HMCN1: variants seen among roughly 807,000 people sequenced by gnomAD.
The protein encoded by HMCN1 is hemicentin 1, also known as hemicentin-1.
HMCN1 carries 321 observed loss-of-function variants against 625.9 expected under a neutral mutation model. The observed-to-expected ratio is 0.51, with a 90% CI of 0.47 to 0.56. The LOEUF is 0.56. HMCN1 is among the 20% of genes least tolerant of loss of function. The pLI is 0.00. For missense variants in HMCN1, 6,588 were observed against 6,887.3 expected (o/e 0.96, Z 1.54); for synonymous variants, 2,425 against 2,417.6 (o/e 1.00, Z -0.09).
In HMCN1 at chr1:186,076,309, T is replaced by C. The variant is rs1044491908; in HGVS notation, c.8291-119T>C. The C allele has an allele frequency of 6.7e-6, 7 of 1,046,392 alleles. No homozygotes were observed. The African/African-American group carries it at 1.1e-4, about 17-fold the overall frequency. 64.8% of individuals were successfully genotyped at this position (1,046,392 alleles called of 1,614,324 possible). ...TAGAGTTGGTGGTGGCGTCAGTACT[T>C]GAAATTATTTCCACATTGTCTAATC... is the stretch of plus-strand genomic sequence containing the variant. On this transcript the variant is annotated intron_variant, in intron 53 of 106. Transcript: ENST00000271588.
At chr1:186,108,035 T>TAAAAA (rs559777006) in intron 70 of HMCN1, among the ~76,000 whole-genome samples, 17 of 98,308 alleles carry the variant, frequency 1.7e-4, no homozygotes, top group African/African-American at 5.9e-4. Context: ...GTAAATTCTG[T>TAAAAA]AAAAAAAAAA....
chr1:186,093,339 C>G, intron 65 of HMCN1, 81 bp downstream of exon 65: 3 of 1,597,532 alleles, frequency 1.9e-6, no homozygotes, highest in Non-Finnish European at 2.6e-6. Flanking sequence ...CAGCAGGTGT[C>G]TGGAGCATTT....
intron 1 of HMCN1, among the ~76,000 whole-genome samples, chr1:185,807,483 A>G (rs1193301238): frequency 6.6e-6 from 1 of 152,222 alleles, no homozygotes; most frequent in African/African-American, 2.4e-5. Flanking sequence ...ACATATGGTT[A>G]TATGCAGTAA....
chr1:186,004,627 G>A (rs1653421271), intron 29 of HMCN1, among the ~76,000 whole-genome samples: 1 of 152,068 alleles, frequency 6.6e-6, no homozygotes, highest in Non-Finnish European at 1.5e-5. Context: ...GCAAAGGTTT[G>A]AAATTATCAA....
intron 11 of HMCN1, among the ~76,000 whole-genome samples, chr1:185,939,949 G>T (rs570124833): frequency 1.3e-5 from 2 of 152,150 alleles, no homozygotes; most frequent in South Asian, 2.1e-4. Flanking sequence ...ATAAAGTAAG[G>T]ATCTAGTGAT....
intron 10 of HMCN1, among the ~76,000 whole-genome samples, chr1:185,933,281 T>G (rs1667645525): frequency 6.6e-6 from 1 of 152,174 alleles, no homozygotes; most frequent in Admixed American, 6.5e-5. Flanking sequence ...TATACTCTTT[T>G]GCCATGGCTC....
chr1:186,173,770 G>A lies in HMCN1; in HGVS notation c.15815-744G>A, dbSNP rs1652385963. ...ATTATGTATAAGCTTAACTAGACAT[G>A]AGTTGAAAGATCAGAAACTTTTTAA... On this transcript the variant is annotated intron_variant, in intron 102 of 106. Transcript: ENST00000271588. 2.6e-5 allele frequency among the ~76,000 whole-genome samples: 4 copies of A among 151,602 alleles called. No individual in the cohort carries two copies. The South Asian group carries it at 8.3e-4, about 32-fold the overall frequency.
chr1:186,094,729 T>C (rs925502354), intron 67 of HMCN1, among the ~76,000 whole-genome samples: 30 of 152,260 alleles, frequency 2.0e-4, no homozygotes, highest in African/African-American at 6.5e-4. Flanking sequence ...AATGGATGCA[T>C]GTGCATATAT....
At position 185,737,361 on chromosome 1, in the gene HMCN1, G is replaced by A. The variant is rs183953586; in HGVS notation, c.268+2314G>A. 1.4e-3 allele frequency among the ~76,000 whole-genome samples: 215 copies of A among 152,134 alleles called. 1 individual carries two copies. The highest frequency in any genetic ancestry group is 5.1e-3 in the African/African-American group (210 of 41,502). Reference sequence around the variant, plus strand: ...ACAGGGGTTCCACTATGTTGCCCGGGCTAGTCTTGAACTCCTGGCCTCAAG... The same window carrying A: ...ACAGGGGTTCCACTATGTTGCCCGGACTAGTCTTGAACTCCTGGCCTCAAG... On this transcript the variant is annotated intron_variant, in intron 1 of 106. Coordinates refer to ENST00000271588, the MANE Select transcript of HMCN1 (RefSeq NM_031935.3).
intron 1 of HMCN1, among the ~76,000 whole-genome samples, chr1:185,805,755 C>T (rs1196573285): frequency 6.6e-6 from 1 of 152,124 alleles, no homozygotes; most frequent in Non-Finnish European, 1.5e-5. Flanking sequence ...CTGACCCATG[C>T]TGCACAAAAG....
At position 186,144,310 on chromosome 1, in the gene HMCN1, C is replaced by G; in HGVS notation, c.14062C>G (p.Gln4688Glu). 1 of 1,613,864 alleles carries G rather than the reference C, an allele frequency of 6.2e-7. No individual in the cohort carries two copies. The highest frequency in any genetic ancestry group is 8.5e-7 in the Non-Finnish European group (1 of 1,179,982). ...GGSYCDGAET[Q>E]MQVCNERNCP... is the part of the protein sequence containing the mutation. ...GTCCTACTGTGATGGAGCAGAAACACAGATGCAAGTTTGCAATGAAAGAAA... is the reference window on the plus strand; with the variant it reads ...GTCCTACTGTGATGGAGCAGAAACAGAGATGCAAGTTTGCAATGAAAGAAA... The change falls in exon 90 of 107, where the codon CAG becomes GAG. Residue 4688 changes from glutamine (Q) to glutamate (E), a missense_variant. Gln to Glu is a conservative substitution (Grantham distance 29, BLOSUM62 2). This residue lies in a region of HMCN1 where 1,954 missense variants were observed against 2,013.1 expected (regional missense o/e 0.97). Transcript: ENST00000271588.
chr1:186,187,909 G>A lies in HMCN1; in HGVS notation c.16441G>A (p.Val5481Met). Residue 5481 changes from valine to methionine, a missense_variant, in exon 106 of 107, where the codon GTG (valine) becomes ATG (methionine). Transcript: ENST00000271588. ...QDIDECLEQN[V>M]HCGPNRMCFN... is the part of the protein sequence containing the mutation. ...TATCGATGAATGTCTGGAGCAGAAT[G>A]TGCACTGTGGACCCAATCGCATGTG... The A allele has an allele frequency of 6.2e-7, 1 of 1,613,780 alleles. No homozygotes were observed. Among genetic ancestry groups the A allele is most frequent in the Non-Finnish European group, 8.5e-7 (1 of 1,179,784 alleles).
intron 85 of HMCN1, among the ~76,000 whole-genome samples, chr1:186,131,242 T>C (rs1179919988): frequency 6.6e-6 from 1 of 152,198 alleles, no homozygotes; most frequent in African/African-American, 2.4e-5. Context: ...AATTAAAATA[T>C]ACTATCTAAT....
rs1021308460 is a variant in HMCN1 at position 185,877,980 on chromosome 1, A to G, written c.621+12117A>G. On this transcript the variant is annotated intron_variant, in intron 4 of 106. Transcript: ENST00000271588. ...ATTTAGCTCCCACTTATAAGTCAGA[A>G]CATTCAGTATTTGTTTTTCTGTTGA... Among the ~76,000 whole-genome samples, 27 of 152,192 alleles carry G rather than the reference A, an allele frequency of 1.8e-4. 1 individual carries two copies. Among genetic ancestry groups the G allele is most frequent in the Middle Eastern group, 3.4e-3 (1 of 294 alleles).
In HMCN1 at chr1:186,151,257, G is replaced by T; in HGVS notation, c.14666G>T (p.Gly4889Val). ...VIGNINDVEFGIAFLNATITD... is the reference protein window; with the variant it reads ...VIGNINDVEFVIAFLNATITD... ...GGAAATATTAATGATGTTGAATTTG[G>T]AATTGCTTTCCTTAATGCCACAATA... Residue 4889 changes from glycine (G) to valine (V), a missense_variant, in exon 94 of 107, where the codon GGA (glycine) becomes GTA (valine). Coordinates refer to ENST00000271588, the MANE Select transcript of HMCN1 (RefSeq NM_031935.3). 1 of 1,613,612 alleles carries T rather than the reference G, an allele frequency of 6.2e-7. No individual in the cohort carries two copies. Among genetic ancestry groups the T allele is most frequent in the Non-Finnish European group, 8.5e-7 (1 of 1,179,666 alleles).
rs749104423 is a variant in HMCN1, at chr1:186,039,788, G to A, written c.6089G>A (p.Arg2030Lys). The change falls in exon 39 of 107, where the codon AGG becomes AAG. Residue 2030 changes from arginine to lysine, a missense_variant. Transcript: ENST00000271588. ...MVAVVVNNPV[R>K]LECEARGIPA... ...GCAGTGGTGGTTAATAACCCGGTGA[G>A]GTTAGAATGTGAAGCCAGAGGTATT... 5 of 1,613,444 alleles carry A rather than the reference G, an allele frequency of 3.1e-6. No individual in the cohort carries two copies. The East Asian group carries it at 6.7e-5, about 22-fold the overall frequency.
intron 36 of HMCN1, among the ~76,000 whole-genome samples, chr1:186,028,725 A>ATTT (rs11415987): frequency 0.011 from 1,473 of 137,732 alleles, 33 homozygotes; most frequent in African/African-American, 0.036. Context: ...TCTAAAGCAT[A>ATTT]TTTTTTTTTT....
intron 9 of HMCN1, among the ~76,000 whole-genome samples, chr1:185,927,122 A>C (rs1236715003): frequency 6.6e-6 from 1 of 152,218 alleles, no homozygotes; most frequent in Non-Finnish European, 1.5e-5. Flanking sequence ...GAACCCAAAG[A>C]ATCGTCAGTT....
chr1:186,003,003 G>A (rs1653300677), intron 28 of HMCN1, among the ~76,000 whole-genome samples: 1 of 151,952 alleles, frequency 6.6e-6, no homozygotes, highest in Non-Finnish European at 1.5e-5. Flanking sequence ...ATAGCCTAAG[G>A]GCTCACCTGA....
Sources: allele counts gnomAD v4.1 joint callset (sites outside exome capture counted in the v4.1 genomes callset), GRCh38; gene constraint gnomAD v4.1.1; regional missense constraint gnomAD v4.1.1; transcripts MANE v1.5; gene names NCBI Gene and HGNC (gene_info 2026-07-23, HGNC 2026-07-21).